GNB1: variants seen among roughly 807,000 people sequenced by gnomAD.
GNB1 encodes the protein G protein subunit beta 1, also known as guanine nucleotide-binding protein G(I)/G(S)/G(T) subunit beta-1.
Under a neutral mutation model 42.9 loss-of-function variants are expected in GNB1, and 2 were observed. That is an observed-to-expected ratio of 0.05 (90% CI 0.02 to 0.15). The LOEUF (loss-of-function observed/expected upper bound fraction) is 0.15. Ranked by LOEUF, GNB1 falls within the 10% of genes least tolerant of loss-of-function variation. The pLI is 1.00. For missense variants in GNB1, 193 were observed against 462.2 expected (o/e 0.42, Z 5.34); for synonymous variants, 183 against 174.7 (o/e 1.05, Z -0.38).
intron 1 of GNB1, among the ~76,000 whole-genome samples, chr1:1,853,908 G>A (rs1379513066): frequency 1.3e-5 from 2 of 152,022 alleles, no homozygotes; most frequent in African/African-American, 4.8e-5. Flanking sequence ...CATGAAAATA[G>A]GATAGAAGTG....
chr1:1,860,884 G>C (rs752997545), intron 1 of GNB1, among the ~76,000 whole-genome samples: 2 of 152,004 alleles, frequency 1.3e-5, no homozygotes, highest in Non-Finnish European at 2.9e-5. Flanking sequence ...GAGCCGGACA[G>C]ATCGCTTGAG....
In GNB1 at chr1:1,864,329, AAAAAAAAG is replaced by A. The variant is rs1216704862; in HGVS notation, c.-95-25099_-95-25092del. 1.4e-4 allele frequency among the ~76,000 whole-genome samples: 21 copies of A among 149,352 alleles called. 1 individual carries two copies. The highest frequency in any genetic ancestry group is 1.1e-3 in the South Asian group (5 of 4,752). The stretch of plus-strand genomic sequence containing the variant: ...AAGACTCTCTCAAAAAAAAAAAAAA[AAAAAAAAG>A]AAGAAAACCCCACGAAAAAACTATT... On this transcript the variant is annotated intron_variant, in intron 1 of 11. Coordinates refer to ENST00000378609, the MANE Select transcript of GNB1 (RefSeq NM_002074.5).
intron 1 of GNB1, among the ~76,000 whole-genome samples, chr1:1,869,642 C>G (rs933305729): frequency 6.6e-6 from 1 of 152,170 alleles, no homozygotes; most frequent in African/African-American, 2.4e-5. Context: ...TTATTCATCA[C>G]GTAGCTGGTT....
intron 1 of GNB1, among the ~76,000 whole-genome samples, chr1:1,870,874 T>G (rs1649209961): frequency 6.7e-6 from 1 of 150,304 alleles, no homozygotes. Flanking sequence ...GGAGGTGGAG[T>G]GAGCCAAGAT....
At chr1:1,845,821 C>CCATACA (rs1267207416) in intron 1 of GNB1, among the ~76,000 whole-genome samples, 1 of 96,230 alleles carries the variant, frequency 1.0e-5, no homozygotes, top group African/African-American at 4.6e-5. Flanking sequence ...GTGTGTAAGT[C>CCATACA]CATACACACA....
intron 7 of GNB1, among the ~76,000 whole-genome samples, chr1:1,799,121 C>T (rs1332700442): frequency 1.3e-5 from 2 of 152,108 alleles, no homozygotes; most frequent in East Asian, 1.9e-4. Flanking sequence ...GGGGTTTCAC[C>T]GTGTTAGCCA....
At chr1:1,868,435 G>A (rs933638536) in intron 1 of GNB1, among the ~76,000 whole-genome samples, 1 of 152,074 alleles carries the variant, frequency 6.6e-6, no homozygotes, top group Admixed American at 6.6e-5. Context: ...CTCCCAAAGC[G>A]CTGGGATTAC....
chr1:1,786,207 G>C lies in GNB1; in HGVS notation c.*856C>G, dbSNP rs376875581. ...ACAGAGGTTCCTCCTAGTTGGGGGT[G>C]GGGTAGTGTTAGGCTATTATAAACT... On this transcript the variant is annotated 3_prime_UTR_variant, in exon 12 of 12. Coordinates refer to ENST00000378609, the MANE Select transcript of GNB1 (RefSeq NM_002074.5). 8.3e-5 allele frequency: 33 copies of C among 397,016 alleles called. No individual in the cohort carries two copies. In the South Asian group the frequency reaches 4.5e-3, roughly 54 times the overall value. 24.6% of individuals were successfully genotyped at this position (397,016 alleles called of 1,614,324 possible).
chr1:1,818,619 T>G (rs1428696940), intron 3 of GNB1, among the ~76,000 whole-genome samples: 2 of 152,036 alleles, frequency 1.3e-5, no homozygotes, highest in East Asian at 3.9e-4. Flanking sequence ...TCCCAGCACT[T>G]TGGGAGGCCG....
intron 6 of GNB1, 24 bp from the exon 7 acceptor site, chr1:1,804,605 G>A (rs1379552823): frequency 4.6e-6 from 7 of 1,527,458 alleles, no homozygotes; most frequent in Non-Finnish European, 6.2e-6. Flanking sequence ...GACAGATGAT[G>A]CAAACAACTT....
intron 1 of GNB1, among the ~76,000 whole-genome samples, chr1:1,867,197 G>A (rs1450316094): frequency 3.9e-5 from 6 of 152,134 alleles, no homozygotes; most frequent in Admixed American, 1.3e-4. Context: ...AACCTGGGAG[G>A]CAGAGGTTGC....
chr1:1,836,179 A>C (rs192684481), intron 2 of GNB1, among the ~76,000 whole-genome samples: 1 of 152,190 alleles, frequency 6.6e-6, no homozygotes, highest in Non-Finnish European at 1.5e-5. Flanking sequence ...TCCTATAAGC[A>C]ATGTGGAGAG....
chr1:1,850,613 G>C (rs1647929262), intron 1 of GNB1, among the ~76,000 whole-genome samples: 1 of 151,780 alleles, frequency 6.6e-6, no homozygotes, highest in Non-Finnish European at 1.5e-5. Context: ...TAGAGTTTCT[G>C]CCTCCTGAAA....
At chr1:1,887,708 C>T (rs751238903) in intron 1 of GNB1, among the ~76,000 whole-genome samples, 6 of 152,206 alleles carry the variant, frequency 3.9e-5, no homozygotes, top group Non-Finnish European at 5.9e-5. Flanking sequence ...CCCTGCCTCC[C>T]GGGTTCAAGC....
chr1:1,803,298 C>G (rs1009605086), intron 7 of GNB1, among the ~76,000 whole-genome samples: 1 of 152,216 alleles, frequency 6.6e-6, no homozygotes, highest in East Asian at 1.9e-4. Context: ...CCACAGGGCT[C>G]TATTATGCCT....
At chr1:1,880,604 T>C (rs968242709) in intron 1 of GNB1, among the ~76,000 whole-genome samples, 5 of 151,782 alleles carry the variant, frequency 3.3e-5, no homozygotes, top group Admixed American at 2.6e-4. Flanking sequence ...AATATATATA[T>C]ATATGATGAT....
Position 1,877,391 on chromosome 1 carries a change from T to C in GNB1, c.-96+13429A>G, listed in dbSNP as rs533874853. ...AAAAACATCTCTATACACACATGCA[T>C]GAGAGATACAAAACACTAGAAGAAA... On this transcript the variant is annotated intron_variant, in intron 1 of 11. Transcript: ENST00000378609. 9.6e-4 allele frequency among the ~76,000 whole-genome samples: 146 copies of C among 151,328 alleles called. 1 individual carries two copies. Among genetic ancestry groups the C allele is most frequent in the African/African-American group, 3.4e-3 (140 of 41,334 alleles).
intron 1 of GNB1, among the ~76,000 whole-genome samples, chr1:1,860,071 CAAA>C (rs1315064416): frequency 6.6e-6 from 1 of 151,890 alleles, no homozygotes; most frequent in Admixed American, 6.6e-5. Flanking sequence ...AAAAAGTAAA[CAAA>C]GAAGAAGTAA....
chr1:1,856,696 G>A (rs1294496629), intron 1 of GNB1, among the ~76,000 whole-genome samples: 1 of 152,210 alleles, frequency 6.6e-6, no homozygotes, highest in South Asian at 2.1e-4. Context: ...AAAGTGCTGG[G>A]ATTACAGGCA....
Sources: gnomAD v4.1 joint callset for allele counts (sites outside exome capture counted in the v4.1 genomes callset) on GRCh38, gnomAD v4.1.1 for gene constraint, MANE v1.5 for transcripts, NCBI Gene and HGNC (gene_info 2026-07-23, HGNC 2026-07-21) for gene names.